Variants in STXBP5 observed in about 807,000 individuals in gnomAD.
STXBP5 encodes syntaxin binding protein 5.
A neutral mutation model predicts 152.4 loss-of-function variants in STXBP5; 50 were observed. The observed-to-expected ratio is 0.33, with a 90% CI of 0.26 to 0.42. The LOEUF is 0.42. Ranked by LOEUF, STXBP5 falls within the 10% of genes least tolerant of loss-of-function variation. STXBP5 has a pLI of 1.00. For synonymous variants in STXBP5, 492 were observed against 494.7 expected, an observed-to-expected ratio of 0.99 and a Z score of 0.07; for missense variants, 1,167 against 1,388.6, an observed-to-expected ratio of 0.84 and a Z score of 2.54.
chr6:147,259,315 A>G (rs951140660), intron 4 of STXBP5, among the ~76,000 whole-genome samples: 3 of 152,158 alleles, frequency 2.0e-5, no homozygotes, highest in African/African-American at 7.2e-5. Flanking sequence ...AAATCTTAGG[A>G]TGATAGCTAA....
intron 4 of STXBP5, among the ~76,000 whole-genome samples, chr6:147,258,845 CCCT>C (rs1309059747): frequency 1.4e-4 from 21 of 152,094 alleles, no homozygotes; most frequent in African/African-American, 4.6e-4. Flanking sequence ...ATCATTTAAA[CCCT>C]CCATAAGGTA....
At chr6:147,278,979 TC>T (rs1780575045) in intron 8 of STXBP5, among the ~76,000 whole-genome samples, 1 of 152,122 alleles carries the variant, frequency 6.6e-6, no homozygotes, top group Non-Finnish European at 1.5e-5. Flanking sequence ...AATTCGAGAC[TC>T]CCAGAAGCAA....
rs202218257 is a variant in STXBP5, at chr6:147,316,432, A to C, written c.1802+25A>C. 9.0e-5 allele frequency: 131 copies of C among 1,454,574 alleles called. No homozygotes were observed. The East Asian group carries it at 1.1e-3, about 12-fold the overall frequency. 90.1% of individuals were successfully genotyped at this position (1,454,574 alleles called of 1,614,324 possible). A position where few individuals can be genotyped will look rare whatever the true frequency, so the allele number is the denominator to read the frequency against. On this transcript the variant is annotated intron_variant, in intron 16 of 27. Transcript: ENST00000321680. ...AGTAAGTTATAAAAAACTACAGAGG[A>C]GTTTTGGATATTATCTTTTAATTTA...
chr6:147,377,794 G>A (rs1023217437), intron 26 of STXBP5, among the ~76,000 whole-genome samples: 1 of 152,030 alleles, frequency 6.6e-6, no homozygotes, highest in African/African-American at 2.4e-5. Flanking sequence ...AGGGGAGAGG[G>A]TGGGGGACAT....
intron 19 of STXBP5, among the ~76,000 whole-genome samples, chr6:147,338,529 A>T (rs1783939611): frequency 6.6e-6 from 1 of 151,954 alleles, no homozygotes; most frequent in Non-Finnish European, 1.5e-5. Context: ...TAAGGAAAAA[A>T]TTACCCAAAA....
At chr6:147,211,199 A>C (rs1185861717) in intron 2 of STXBP5, among the ~76,000 whole-genome samples, 3 of 151,592 alleles carry the variant, frequency 2.0e-5, no homozygotes, top group African/African-American at 7.3e-5. Context: ...AATCCCAGCT[A>C]CTCAGAGGCT....
At chr6:147,255,437 G>T (rs2115308258) in intron 4 of STXBP5, among the ~76,000 whole-genome samples, 1 of 152,310 alleles carries the variant, frequency 6.6e-6, no homozygotes, top group South Asian at 2.1e-4. Context: ...ACATTGCTGG[G>T]TGGGTAGTCA....
intron 23 of STXBP5, among the ~76,000 whole-genome samples, chr6:147,360,465 C>A (rs1785013153): frequency 6.6e-6 from 1 of 152,004 alleles, no homozygotes; most frequent in African/African-American, 2.4e-5. Context: ...GTTTATACAG[C>A]CATTCAATTT....
chr6:147,354,384 T>C (rs1341088787), intron 22 of STXBP5, among the ~76,000 whole-genome samples: 1 of 151,944 alleles, frequency 6.6e-6, no homozygotes, highest in Non-Finnish European at 1.5e-5. Context: ...AACCCTATAA[T>C]ATCCCTAGTA....
At chr6:147,295,766 T>C (rs191024237) in intron 9 of STXBP5, among the ~76,000 whole-genome samples, 4 of 152,350 alleles carry the variant, frequency 2.6e-5, no homozygotes, top group African/African-American at 9.6e-5. Context: ...GCCCAGTTTG[T>C]AGAGCCTCAA....
intron 2 of STXBP5, among the ~76,000 whole-genome samples, chr6:147,210,445 T>A (rs770424506): frequency 1.1e-4 from 16 of 152,242 alleles, no homozygotes; most frequent in Non-Finnish European, 1.9e-4. Context: ...TTACTGAATT[T>A]ATATTTAAGG....
rs1786454041 is a variant in STXBP5, at chr6:147,388,713, T to C, written c.*3958T>C. 6.6e-6 allele frequency: 1 copy of C among 151,228 alleles called. No individual in the cohort carries two copies. The highest frequency in any genetic ancestry group is 2.4e-5 in the African/African-American group (1 of 41,358). The allele number at this position is 151,228 out of a possible 1,614,324, so 9.4% of individuals were successfully genotyped here. On this transcript the variant is annotated 3_prime_UTR_variant, in exon 28 of 28. Coordinates refer to ENST00000321680, the MANE Select transcript of STXBP5 (RefSeq NM_001127715.4). The stretch of plus-strand genomic sequence containing the variant: ...GAGCATTTTCAAATATTAATTTTAT[T>C]TTGGGGGAAAATGCCCACAACAATA...
chr6:147,338,907 T>A (rs972852364), intron 19 of STXBP5, among the ~76,000 whole-genome samples: 6 of 151,832 alleles, frequency 4.0e-5, no homozygotes, highest in Non-Finnish European at 7.4e-5. Context: ...ATATATTTTC[T>A]AACATCTAAT....
chr6:147,288,889 A>T (rs1053981642), intron 8 of STXBP5, among the ~76,000 whole-genome samples: 1 of 152,122 alleles, frequency 6.6e-6, no homozygotes, highest in Non-Finnish European at 1.5e-5. Context: ...CTTTCCCATG[A>T]TTCTTCCCTT....
At position 147,204,436 on chromosome 6, in the gene STXBP5, T is replaced by A. The variant is rs1348938371; in HGVS notation, c.-97T>A. The A allele has an allele frequency of 6.5e-6, 8 of 1,226,294 alleles. No homozygotes were observed. The highest frequency in any genetic ancestry group is 9.2e-6 in the Non-Finnish European group (8 of 870,542). 76.0% of individuals were successfully genotyped at this position (1,226,294 alleles called of 1,614,324 possible). ...ACCCTCACACTCCCACTCCTCCGTT[T>A]CCGCGGTCGAAGCTGCCTTCGGCCC... On this transcript the variant is annotated 5_prime_UTR_variant, in exon 1 of 28. Transcript: ENST00000321680. This position sits in a 1 kb window ranked among gnomAD's most constrained non-coding sequence, Gnocchi z 4.3.
intron 22 of STXBP5, among the ~76,000 whole-genome samples, chr6:147,353,651 A>G (rs1175141176): frequency 1.3e-5 from 2 of 152,116 alleles, no homozygotes; most frequent in Non-Finnish European, 2.9e-5. Context: ...AATTTGTGCA[A>G]TTTTAGATTA....
chr6:147,268,425 A>G (rs889111926), intron 7 of STXBP5, among the ~76,000 whole-genome samples: 2 of 152,154 alleles, frequency 1.3e-5, no homozygotes, highest in African/African-American at 4.8e-5. Context: ...TCATATTGGT[A>G]TGTTCAGTTA....
intron 9 of STXBP5, among the ~76,000 whole-genome samples, chr6:147,307,331 C>T (rs1782144046): frequency 1.3e-5 from 2 of 152,230 alleles, no homozygotes; most frequent in Admixed American, 1.3e-4. Context: ...CAAGTAAAAA[C>T]TATTATCTCT....
intron 16 of STXBP5, among the ~76,000 whole-genome samples, chr6:147,319,893 G>A (rs974720427): frequency 1.5e-5 from 2 of 132,426 alleles, no homozygotes; most frequent in African/African-American, 5.8e-5. Flanking sequence ...CCATGCTGGA[G>A]TACAGTGGTG....
Sources: allele counts gnomAD v4.1 joint callset (sites outside exome capture counted in the v4.1 genomes callset), GRCh38; gene constraint gnomAD v4.1.1; non-coding constraint Gnocchi (gnomAD v3.1); transcripts MANE v1.5; gene names NCBI Gene and HGNC (gene_info 2026-07-23, HGNC 2026-07-21).